The following CTU2 variants were observed in gnomAD, a reference collection of about 807,000 sequenced individuals.
CTU2 encodes cytoplasmic tRNA 2-thiolation protein 2.
In CTU2, 80 loss-of-function variants were observed where a neutral mutation model predicts 64.1. The observed-to-expected ratio is 1.25, with a 90% CI of 1.04 to 1.50. The LOEUF (loss-of-function observed/expected upper bound fraction) is 1.50, where lower values mean the gene tolerates loss of function less well. Among genes scored for constraint, CTU2 ranks in the 40% most tolerant of loss-of-function variants. The pLI is 0.00. For synonymous variants in CTU2, 482 were observed against 285.3 expected (o/e 1.69, Z -6.95); for missense variants, 1,110 against 690.2 (o/e 1.61, Z -6.81).
chr16:88,715,216 A>C lies in CTU2; in HGVS notation c.1513A>C (p.Ile505Leu). ...WGLQEIRDCL[I>L]EDSDDEAGQS is the part of the protein sequence containing the mutation. ...CTTGCAGGAGATCCGGGACTGTCTGATTGAGGACAGTGACGACGAGGCGGG... is the reference window on the plus strand; with the variant it reads ...CTTGCAGGAGATCCGGGACTGTCTGCTTGAGGACAGTGACGACGAGGCGGG... Residue 505 changes from isoleucine to leucine, a missense_variant, in exon 15 of 15, where the codon ATT becomes CTT. Ile to Leu is a conservative substitution (Grantham distance 5). Coordinates refer to ENST00000453996, the MANE Select transcript of CTU2 (RefSeq NM_001012759.3). 1 of 1,612,314 alleles carries C rather than the reference A, an allele frequency of 6.2e-7. No individual in the cohort carries two copies. Among genetic ancestry groups the C allele is most frequent in the Non-Finnish European group, 8.5e-7 (1 of 1,179,872 alleles).
rs771106731 is a variant in CTU2 at position 88,715,266 on chromosome 16, T to C, written c.*15T>C. Reference sequence around the variant, plus strand: ...GCCAGAGCTGAGCGTGAGGACGTGCTTGCCGGGACAGCAGGCAGTGGCCAC... The same window carrying C: ...GCCAGAGCTGAGCGTGAGGACGTGCCTGCCGGGACAGCAGGCAGTGGCCAC... On this transcript the variant is annotated 3_prime_UTR_variant, in exon 15 of 15. Coordinates refer to ENST00000453996, the MANE Select transcript of CTU2 (RefSeq NM_001012759.3). The C allele has an allele frequency of 7.5e-6, 12 of 1,609,414 alleles. No individual in the cohort carries two copies. In the Middle Eastern group the frequency reaches 8.2e-4, roughly 111 times the overall value.
chr16:88,708,572 G>A (rs1424301967), intron 2 of CTU2, among the ~76,000 whole-genome samples: 4 of 152,110 alleles, frequency 2.6e-5, no homozygotes, highest in Admixed American at 2.6e-4. Context: ...CCATGTCCCA[G>A]CCTTGATACT....
chr16:88,707,543 G>A (rs900488672), intron 2 of CTU2, among the ~76,000 whole-genome samples: 3 of 152,130 alleles, frequency 2.0e-5, no homozygotes, highest in Non-Finnish European at 2.9e-5. Context: ...ATCTAGGGGC[G>A]GATCAGAGCA....
At position 88,710,458 on chromosome 16, in the gene CTU2, A is replaced by G. The variant is rs999883486; in HGVS notation, c.282+176A>G. On this transcript the variant is annotated intron_variant, in intron 4 of 14. Coordinates refer to ENST00000453996, the MANE Select transcript of CTU2 (RefSeq NM_001012759.3). ...CAACAGGTGCACCAATCAGGAGCTGAGTCCACAGTGTGTGTGTGCGGCCCA... is the reference window on the plus strand; with the variant it reads ...CAACAGGTGCACCAATCAGGAGCTGGGTCCACAGTGTGTGTGTGCGGCCCA... 2.4e-5 allele frequency: 15 copies of G among 619,094 alleles called. 1 individual carries two copies. The highest frequency in any genetic ancestry group is 1.4e-4 in the South Asian group (7 of 50,954). 38.4% of individuals were successfully genotyped at this position (619,094 alleles called of 1,614,324 possible). A position where few individuals can be genotyped will look rare whatever the true frequency, so the allele number is the denominator to read the frequency against.
In CTU2 at chr16:88,711,672, T is replaced by C; in HGVS notation, c.320T>C (p.Val107Ala). ...GATTCTGCCAAAAGACTGCGCTTTG[T>C]GGCAGGAGTCATCTTTGTTGACGGT... ...SQDSAKRLRFVAGVIFVDEGA... is the reference protein window; with the variant it reads ...SQDSAKRLRFAAGVIFVDEGA... The change falls in exon 5 of 15, where the codon GTG (valine) becomes GCG (alanine). Residue 107 changes from valine (V) to alanine (A), a missense_variant. Val to Ala is a moderately conservative substitution (Grantham distance 64). Coordinates refer to ENST00000453996, the MANE Select transcript of CTU2 (RefSeq NM_001012759.3). 3.7e-6 allele frequency: 6 copies of C among 1,609,012 alleles called. No homozygotes were observed. Among genetic ancestry groups the C allele is most frequent in the Non-Finnish European group, 5.1e-6 (6 of 1,176,968 alleles).
At chr16:88,710,151 A>T (rs916283388) in intron 3 of CTU2, 72 bp from the exon 4 acceptor site, 7 of 1,585,170 alleles carry the variant, frequency 4.4e-6, no homozygotes, top group South Asian at 1.1e-5. Context: ...TCGATGTCCT[A>T]GATGTCCACG....
Position 88,715,354 on chromosome 16 carries a change from T to TATAA in CTU2, c.*109_*112dup, listed in dbSNP as rs1444436635. On this transcript the variant is annotated 3_prime_UTR_variant, in exon 15 of 15. Coordinates refer to ENST00000453996, the MANE Select transcript of CTU2 (RefSeq NM_001012759.3). ...GGACTGGCCTCTGATTGTCCATTTG[T>TATAA]ATAAATAAAACATTTTTTAATTAAA... is the stretch of plus-strand genomic sequence containing the variant. 9.6e-6 allele frequency: 12 copies of TATAA among 1,255,542 alleles called. No homozygotes were observed. The highest frequency in any genetic ancestry group is 2.6e-5 in the Admixed American group (1 of 37,884). The allele number at this position is 1,255,542 out of a possible 1,614,324, so 77.8% of individuals were successfully genotyped here.
chr16:88,710,134 G>T, intron 3 of CTU2, 89 bp from the exon 4 acceptor site: 1 of 1,584,760 alleles, frequency 6.3e-7, no homozygotes, highest in Non-Finnish European at 8.7e-7. Flanking sequence ...GGCCTTTGAG[G>T]ACAGACTCGA....
rs1442015327 is a variant in CTU2, at chr16:88,713,387, G to C, written c.813G>C (p.Leu271Phe). Reference protein sequence around the residue: ...KVMTGDSCTRLAIKLMTNLAL... With the variant: ...KVMTGDSCTRFAIKLMTNLAL... Reference sequence around the variant, plus strand: ...TGACTGGGGACAGCTGCACACGCTTGGCTATCAAGCTCATGACCAACCTGG... The same window carrying C: ...TGACTGGGGACAGCTGCACACGCTTCGCTATCAAGCTCATGACCAACCTGG... The change falls in exon 8 of 15, where the codon TTG becomes TTC. Residue 271 changes from leucine to phenylalanine, a missense_variant. Transcript: ENST00000453996. 6.2e-7 allele frequency: 1 copy of C among 1,604,294 alleles called. No individual in the cohort carries two copies. The highest frequency in any genetic ancestry group is 1.7e-5 in the Admixed American group (1 of 58,100).
rs778036046 is a variant in CTU2 at position 88,710,267 on chromosome 16, C to G, written c.267C>G (p.Val89=). Reference sequence around the variant, plus strand: ...GGGGGCCTTCGTCCAGCTCCATGGTCTGGCAGGTTCTTGAGGTGCGTGTTC... The same window carrying G: ...GGGGGCCTTCGTCCAGCTCCATGGTGTGGCAGGTTCTTGAGGTGCGTGTTC... The part of the protein sequence containing the change: ...WSGGPSSSSM[V]WQVLEGLSQD... The change falls in exon 4 of 15, where the codon GTC becomes GTG. Residue 89 remains valine (V), a synonymous_variant. Coordinates refer to ENST00000453996, the MANE Select transcript of CTU2 (RefSeq NM_001012759.3). 1.9e-6 allele frequency: 3 copies of G among 1,614,032 alleles called. No homozygotes were observed. Among genetic ancestry groups the G allele is most frequent in the Non-Finnish European group, 2.5e-6 (3 of 1,179,998 alleles).
chr16:88,715,082 C>G lies in CTU2; in HGVS notation c.1454C>G (p.Ala485Gly). Residue 485 changes from alanine to glycine, a missense_variant, in exon 14 of 15, where the codon GCT (alanine) becomes GGT (glycine). Physicochemically the swap from Ala to Gly is moderately conservative, Grantham distance 60. Transcript: ENST00000453996. The stretch of plus-strand genomic sequence containing the variant: ...GACCCCCTGCCGCCGTACATCCTGG[C>G]TGAGGCCCAGCTCCGCACACAGAGG... ...SLDPLPPYIL[A>G]EAQLRTQRAW... 6.3e-7 allele frequency: 1 copy of G among 1,576,780 alleles called. No homozygotes were observed. The highest frequency in any genetic ancestry group is 1.3e-5 in the African/African-American group (1 of 74,488).
At chr16:88,714,765 C>G (rs1597435598) in intron 12 of CTU2, 28 bp downstream of exon 12, 2 of 1,604,894 alleles carry the variant, frequency 1.2e-6, no homozygotes, top group African/African-American at 1.3e-5. Flanking sequence ...CCACCCATGG[C>G]CAGCTGCATG....
At chr16:88,708,600 C>A (rs1911088574) in intron 2 of CTU2, among the ~76,000 whole-genome samples, 1 of 152,156 alleles carries the variant, frequency 6.6e-6, no homozygotes, top group Non-Finnish European at 1.5e-5. Flanking sequence ...TACCTGCAGT[C>A]CCTCACCTGG....
At position 88,714,431 on chromosome 16, in the gene CTU2, C is replaced by G. The variant is rs764035913; in HGVS notation, c.1146C>G (p.Gly382=). The change falls in exon 11 of 15, where the codon GGC becomes GGG. Residue 382 remains glycine, a synonymous_variant. Coordinates refer to ENST00000453996, the MANE Select transcript of CTU2 (RefSeq NM_001012759.3). ...GCCCCCGGGATGGCCCTGCTGCTGG[C>G]GACTCCGGCCCCCGCTGCCTCCTCT... The part of the protein sequence containing the change: ...VKGPRDGPAA[G]DSGPRCLLCM... 2.0e-5 allele frequency: 33 copies of G among 1,612,420 alleles called. No individual in the cohort carries two copies. The Admixed American group carries it at 5.5e-4, about 27-fold the overall frequency.
chr16:88,712,884 A>G lies in CTU2; in HGVS notation c.716A>G (p.Glu239Gly). 1 of 1,531,488 alleles carries G rather than the reference A, an allele frequency of 6.5e-7. No homozygotes were observed. The highest frequency in any genetic ancestry group is 1.4e-5 in the African/African-American group (1 of 71,524). 94.9% of individuals were successfully genotyped at this position (1,531,488 alleles called of 1,614,324 possible). ...FCSVRTLTAK[E>G]ELLQTLRTHL... ...TCAGTGAGGACACTGACTGCCAAGG[A>G]GGAGCTTCTGCAGACCCTGCGGTGA... The change falls in exon 7 of 15, where the codon GAG becomes GGG. Residue 239 changes from glutamate (E) to glycine (G), a missense_variant. Coordinates refer to ENST00000453996, the MANE Select transcript of CTU2 (RefSeq NM_001012759.3).
rs1213717821 is a variant in CTU2 at position 88,715,349 on chromosome 16, A to G, written c.*98A>G. The G allele has an allele frequency of 4.0e-6, 5 of 1,263,726 alleles. No individual in the cohort carries two copies. Among genetic ancestry groups the G allele is most frequent in the East Asian group, 5.0e-5 (2 of 39,834 alleles). 78.3% of individuals were successfully genotyped at this position (1,263,726 alleles called of 1,614,324 possible). ...ACGGGGGACTGGCCTCTGATTGTCC[A>G]TTTGTATAAATAAAACATTTTTTAA... On this transcript the variant is annotated 3_prime_UTR_variant, in exon 15 of 15. Coordinates refer to ENST00000453996, the MANE Select transcript of CTU2 (RefSeq NM_001012759.3).
In CTU2 at chr16:88,714,608, C is replaced by T. The variant is rs376766328; in HGVS notation, c.1223C>T (p.Ala408Val). The T allele has an allele frequency of 6.2e-7, 1 of 1,612,660 alleles. No individual in the cohort carries two copies. The highest frequency in any genetic ancestry group is 8.5e-7 in the Non-Finnish European group (1 of 1,179,906). Residue 408 changes from alanine to valine, a missense_variant, in exon 12 of 15, where the codon GCT (alanine) becomes GTT (valine). Transcript: ENST00000453996. ...DAADSATAFG[A>V]QTSSRLSQMQ... is the part of the protein sequence containing the mutation. The stretch of plus-strand genomic sequence containing the variant: ...GCAGACAGTGCCACGGCTTTTGGGG[C>T]TCAGACCTCCTCGCGTCTCTCCCAG...
chr16:88,713,355 A>C lies in CTU2; in HGVS notation c.781A>C (p.Lys261Gln), dbSNP rs551506662. The stretch of plus-strand genomic sequence containing the variant: ...CATGGCCCGAGCCCACGGCTACTCC[A>C]AGGTCATGACTGGGGACAGCTGCAC... Reference protein sequence around the residue: ...LHMARAHGYSKVMTGDSCTRL... With the variant: ...LHMARAHGYSQVMTGDSCTRL... Residue 261 changes from lysine to glutamine, a missense_variant, in exon 8 of 15, where the codon AAG becomes CAG. Coordinates refer to ENST00000453996, the MANE Select transcript of CTU2 (RefSeq NM_001012759.3). 13 of 1,598,602 alleles carry C rather than the reference A, an allele frequency of 8.1e-6. No individual in the cohort carries two copies. In the East Asian group the frequency reaches 2.8e-4, roughly 35 times the overall value.
intron 1 of CTU2, 40 bp downstream of exon 1, chr16:88,706,638 C>G: frequency 7.4e-7 from 1 of 1,342,328 alleles, no homozygotes; most frequent in Non-Finnish European, 9.6e-7. Flanking sequence ...CGCCCCTCGC[C>G]TTCCCGCCGC....
Sources: allele counts gnomAD v4.1 joint callset (sites outside exome capture counted in the v4.1 genomes callset), GRCh38; gene constraint gnomAD v4.1.1; transcripts MANE v1.5; gene names NCBI Gene and HGNC (gene_info 2026-07-23, HGNC 2026-07-21).